Variants in CNTN5 observed in about 807,000 individuals in gnomAD.
CNTN5 encodes the protein contactin 5, also known as contactin-5.
CNTN5 carries 77 observed loss-of-function variants against 129.1 expected under a neutral mutation model. The ratio of observed to expected loss-of-function variants is 0.60; its 90% confidence interval spans 0.50 to 0.72. The LOEUF is 0.72. CNTN5 is among the 30% of genes least tolerant of loss of function. CNTN5 has a pLI of 0.00. For missense variants in CNTN5, 1,478 were observed against 1,328.8 expected, an observed-to-expected ratio of 1.11 and a Z score of -1.75; for synonymous variants, 509 against 465.6, an observed-to-expected ratio of 1.09 and a Z score of -1.20.
At position 99,844,964 on chromosome 11, in the gene CNTN5, T is replaced by C; in HGVS notation, c.390T>C (p.Val130=). ...ALNCEVRGNP[V]PSYRWLRNGT... ...ATTGTGAAGTTCGTGGCAATCCAGT[T>C]CCCAGTTACAGGTAGGAATTCACTG... is the stretch of plus-strand genomic sequence containing the variant. The change falls in exon 5 of 25, where the codon GTT becomes GTC. Residue 130 remains valine, a synonymous_variant. Transcript: ENST00000524871. 1 of 1,613,358 alleles carries C rather than the reference T, an allele frequency of 6.2e-7. No homozygotes were observed. The highest frequency in any genetic ancestry group is 1.3e-5 in the African/African-American group (1 of 75,036).
intron 3 of CNTN5, among the ~76,000 whole-genome samples, chr11:99,727,747 A>G (rs1193855189): frequency 1.3e-5 from 2 of 152,164 alleles, no homozygotes; most frequent in African/African-American, 2.4e-5. Context: ...ATCCACATAC[A>G]TAAGTTAATA....
chr11:100,283,668 G>C (rs748267956), intron 18 of CNTN5, among the ~76,000 whole-genome samples: 4 of 152,150 alleles, frequency 2.6e-5, no homozygotes, highest in African/African-American at 9.7e-5. Flanking sequence ...CCTCCGGGCC[G>C]GGCGCTGTGG....
intron 9 of CNTN5, among the ~76,000 whole-genome samples, chr11:100,022,300 T>G (rs1941202841): frequency 6.6e-6 from 1 of 152,222 alleles, no homozygotes; most frequent in Non-Finnish European, 1.5e-5. Context: ...TGGGTCTTAC[T>G]TTTTAAACCA....
chr11:99,554,797 T>TA (rs1253359501), intron 2 of CNTN5, among the ~76,000 whole-genome samples: 1 of 152,110 alleles, frequency 6.6e-6, no homozygotes, highest in Middle Eastern at 3.2e-3. Context: ...ATGTGGATTT[T>TA]ATTATTTTCC....
intron 1 of CNTN5, among the ~76,000 whole-genome samples, chr11:99,114,530 C>A (rs1053930261): frequency 1.4e-5 from 2 of 144,432 alleles, no homozygotes; most frequent in Middle Eastern, 3.6e-3. Flanking sequence ...ACTCTTTCTT[C>A]CTTCTTTATT....
At chr11:99,313,605 G>A (rs970204814) in intron 1 of CNTN5, among the ~76,000 whole-genome samples, 1 of 151,944 alleles carries the variant, frequency 6.6e-6, no homozygotes, top group African/African-American at 2.4e-5. Flanking sequence ...CTCTGTATAC[G>A]AAATAAAATA....
intron 3 of CNTN5, among the ~76,000 whole-genome samples, chr11:99,798,576 G>C (rs1455883654): frequency 6.6e-6 from 1 of 151,998 alleles, no homozygotes; most frequent in African/African-American, 2.4e-5. Context: ...AGATGGCTAT[G>C]GGTATTTGGT....
chr11:99,764,003 T>C (rs993086979), intron 3 of CNTN5, among the ~76,000 whole-genome samples: 1 of 152,106 alleles, frequency 6.6e-6, no homozygotes, highest in African/African-American at 2.4e-5. Flanking sequence ...GATATTTATA[T>C]TATTTTTTTT....
chr11:99,498,648 G>A (rs989268369), intron 2 of CNTN5, among the ~76,000 whole-genome samples: 2 of 152,108 alleles, frequency 1.3e-5, no homozygotes, highest in Non-Finnish European at 2.9e-5. Context: ...AATAGGCTCT[G>A]ATCTGTGGAA....
chr11:99,342,375 G>A (rs996358824), intron 2 of CNTN5, among the ~76,000 whole-genome samples: 33 of 151,678 alleles, frequency 2.2e-4, no homozygotes, highest in African/African-American at 7.5e-4. Flanking sequence ...ATAAAACAAA[G>A]TAGGACAATC....
At chr11:100,261,705 C>A (rs1447590852) in intron 17 of CNTN5, among the ~76,000 whole-genome samples, 1 of 152,054 alleles carries the variant, frequency 6.6e-6, no homozygotes. Flanking sequence ...GGAAAGGATT[C>A]CCTATTTAAT....
intron 4 of CNTN5, among the ~76,000 whole-genome samples, chr11:99,825,892 A>G (rs190117713): frequency 2.4e-3 from 369 of 152,272 alleles, no homozygotes; most frequent in African/African-American, 8.5e-3. Context: ...ACAATTCAAA[A>G]GAAAATATAA....
At chr11:99,941,428 A>T (rs895981320) in intron 7 of CNTN5, among the ~76,000 whole-genome samples, 6 of 152,066 alleles carry the variant, frequency 3.9e-5, no homozygotes, top group Non-Finnish European at 7.4e-5. Context: ...TTCAAAAATT[A>T]TTTATTGTGT....
At chr11:99,748,223 A>G (rs963599647) in intron 3 of CNTN5, among the ~76,000 whole-genome samples, 12 of 152,074 alleles carry the variant, frequency 7.9e-5, no homozygotes, top group African/African-American at 2.7e-4. Flanking sequence ...GTCTTGTACA[A>G]TGAGTTTGTA....
chr11:100,288,309 T>C (rs1185067331), intron 18 of CNTN5, among the ~76,000 whole-genome samples: 4 of 151,842 alleles, frequency 2.6e-5, no homozygotes, highest in Non-Finnish European at 5.9e-5. Context: ...ATATACATTT[T>C]TTTTCAGCAC....
At chr11:99,273,840 A>G (rs986220611) in intron 1 of CNTN5, among the ~76,000 whole-genome samples, 8 of 151,522 alleles carry the variant, frequency 5.3e-5, no homozygotes, top group African/African-American at 1.9e-4. Flanking sequence ...AGCCTACAAG[A>G]TATAAAAATA....
intron 16 of CNTN5, among the ~76,000 whole-genome samples, chr11:100,238,464 G>A (rs528668129): frequency 7.7e-5 from 11 of 143,654 alleles, no homozygotes; most frequent in African/African-American, 2.6e-4. Flanking sequence ...AAAGAGAAGA[G>A]GGAAAAGGAG....
chr11:99,445,358 CTT>C (rs1944019716), intron 2 of CNTN5, among the ~76,000 whole-genome samples: 1 of 151,966 alleles, frequency 6.6e-6, no homozygotes. Context: ...TCACTAGAAA[CTT>C]TTCAGAGCAT....
intron 3 of CNTN5, among the ~76,000 whole-genome samples, chr11:99,597,553 A>C (rs1245786452): frequency 6.6e-6 from 1 of 151,986 alleles, no homozygotes; most frequent in East Asian, 1.9e-4. Context: ...GTGTGTGCTC[A>C]GTTATCTACT....
Sources: allele counts gnomAD v4.1 joint callset (sites outside exome capture counted in the v4.1 genomes callset), GRCh38; gene constraint gnomAD v4.1.1; transcripts MANE v1.5; gene names NCBI Gene and HGNC (gene_info 2026-07-23, HGNC 2026-07-21).